IGF2BP2: variants seen among roughly 807,000 people sequenced by gnomAD.
IGF2BP2 encodes the protein insulin-like growth factor 2 mRNA-binding protein 2.
In IGF2BP2, 17 loss-of-function variants were observed where a neutral mutation model predicts 75.8. The ratio of observed to expected loss-of-function variants is 0.22; its 90% CI spans 0.15 to 0.34. IGF2BP2 has a LOEUF of 0.34. Ranked by LOEUF, IGF2BP2 falls within the 10% of genes least tolerant of loss-of-function variation. IGF2BP2 has a pLI of 1.00. For synonymous variants in IGF2BP2, 288 were observed against 295.6 expected (o/e 0.97, Z 0.26); for missense variants, 516 against 772.4 (o/e 0.67, Z 3.93).
chr3:185,791,043 T>C (rs185427687), intron 2 of IGF2BP2, among the ~76,000 whole-genome samples: 2 of 152,344 alleles, frequency 1.3e-5, no homozygotes, highest in Admixed American at 6.5e-5. Flanking sequence ...CTTATGCATT[T>C]CTAAAATAGC....
intron 12 of IGF2BP2, among the ~76,000 whole-genome samples, chr3:185,654,992 T>C (rs1298041131): frequency 6.6e-6 from 1 of 152,196 alleles, no homozygotes; most frequent in Non-Finnish European, 1.5e-5. Flanking sequence ...CCCCTCATTG[T>C]GGCCCCCAAA....
At chr3:185,741,580 G>A (rs1173461414) in intron 2 of IGF2BP2, among the ~76,000 whole-genome samples, 1 of 152,172 alleles carries the variant, frequency 6.6e-6, no homozygotes, top group Non-Finnish European at 1.5e-5. Context: ...TCTGAACAGA[G>A]AAAAATTCCA....
chr3:185,772,577 CTTTTTTTTT>C (rs368068706), intron 2 of IGF2BP2, among the ~76,000 whole-genome samples: 5 of 118,204 alleles, frequency 4.2e-5, no homozygotes, highest in Non-Finnish European at 8.6e-5. Context: ...CCTTCTCTCT[CTTTTTTTTT>C]TTTTTTTTTT....
intron 15 of IGF2BP2, among the ~76,000 whole-genome samples, chr3:185,646,686 C>A (rs944027236): frequency 6.6e-6 from 1 of 152,158 alleles, no homozygotes; most frequent in African/African-American, 2.4e-5. Context: ...AGTGGGGAGG[C>A]TGGGACTGAG....
At chr3:185,788,117 A>C (rs1008855296) in intron 2 of IGF2BP2, among the ~76,000 whole-genome samples, 3 of 152,218 alleles carry the variant, frequency 2.0e-5, no homozygotes, top group African/African-American at 7.2e-5. Flanking sequence ...GAAATGTGAA[A>C]AAAGTGTTTA....
intron 2 of IGF2BP2, among the ~76,000 whole-genome samples, chr3:185,719,345 T>A (rs1170279872): frequency 5.3e-5 from 8 of 152,190 alleles, no homozygotes; most frequent in African/African-American, 1.9e-4. Flanking sequence ...CAAAACAGAT[T>A]GGATTTGCTA....
chr3:185,756,331 C>T (rs763827171), intron 2 of IGF2BP2, among the ~76,000 whole-genome samples: 1 of 152,130 alleles, frequency 6.6e-6, no homozygotes, highest in Non-Finnish European at 1.5e-5. Context: ...CCTGCAGAAC[C>T]GTGAGCCAAT....
Position 185,643,777 on chromosome 3 carries a change from T to G in IGF2BP2, c.*1754A>C, listed in dbSNP as rs1449373034. 1 of 145,324 alleles carries G rather than the reference T, an allele frequency of 6.9e-6. No homozygotes were observed. The highest frequency in any genetic ancestry group is 1.5e-5 in the Non-Finnish European group (1 of 66,064). 9.0% of individuals were successfully genotyped at this position (145,324 alleles called of 1,614,324 possible). On this transcript the variant is annotated 3_prime_UTR_variant, in exon 16 of 16. Coordinates refer to ENST00000382199, the MANE Select transcript of IGF2BP2 (RefSeq NM_006548.6). ...ATATATTTCTGTTTTTTCTTTTTTT[T>G]TCTTTTTTTTTTTTTTTTTTTTGTC...
At chr3:185,654,646 T>C (rs1715142361) in intron 12 of IGF2BP2, among the ~76,000 whole-genome samples, 1 of 152,232 alleles carries the variant, frequency 6.6e-6, no homozygotes, top group Non-Finnish European at 1.5e-5. Context: ...AGTTTTGGAA[T>C]GTCATTCCAT....
chr3:185,785,416 T>TAA lies in IGF2BP2; in HGVS notation c.239+37735_239+37736dup, dbSNP rs775451060. 5.9e-4 allele frequency among the ~76,000 whole-genome samples: 85 copies of TAA among 143,732 alleles called. 1 individual carries two copies. The highest frequency in any genetic ancestry group is 1.6e-3 in the African/African-American group (61 of 39,170). 94.3% of individuals were successfully genotyped at this position (143,732 alleles called of 152,430 possible). A position where few individuals can be genotyped will look rare whatever the true frequency, so the allele number is the denominator to read the frequency against. The stretch of plus-strand genomic sequence containing the variant: ...ATTTTACTGTGTCAATAACGAGTGT[T>TAA]AAAAAAAAAAAAAATGGAATTCTGG... On this transcript the variant is annotated intron_variant, in intron 2 of 15. Coordinates refer to ENST00000382199, the MANE Select transcript of IGF2BP2 (RefSeq NM_006548.6).
intron 6 of IGF2BP2, 43 bp from the exon 7 acceptor site, chr3:185,687,234 G>C: frequency 6.4e-7 from 1 of 1,569,674 alleles, no homozygotes; most frequent in Admixed American, 2.0e-5. Flanking sequence ...AGGTCATCTG[G>C]ATAGGACCCT....
chr3:185,710,497 C>A (rs925131565), intron 2 of IGF2BP2, among the ~76,000 whole-genome samples: 1 of 152,130 alleles, frequency 6.6e-6, no homozygotes, highest in Non-Finnish European at 1.5e-5. Flanking sequence ...CTTTGGGAGG[C>A]CGAGGCGGGC....
chr3:185,767,344 T>C (rs1457716485), intron 2 of IGF2BP2, among the ~76,000 whole-genome samples: 1 of 152,230 alleles, frequency 6.6e-6, no homozygotes, highest in Non-Finnish European at 1.5e-5. Context: ...ATCCTTATAA[T>C]ACTACAGTGT....
chr3:185,817,016 T>A (rs1359273244), intron 2 of IGF2BP2, among the ~76,000 whole-genome samples: 1 of 152,238 alleles, frequency 6.6e-6, no homozygotes, highest in Non-Finnish European at 1.5e-5. Flanking sequence ...TTTCTGGTCA[T>A]TAGATGCAAC....
intron 2 of IGF2BP2, among the ~76,000 whole-genome samples, chr3:185,755,384 C>T (rs913122130): frequency 5.3e-5 from 8 of 152,204 alleles, no homozygotes; most frequent in African/African-American, 1.2e-4. Flanking sequence ...GCACCCCCTG[C>T]GTAGATTTCA....
intron 7 of IGF2BP2, among the ~76,000 whole-genome samples, chr3:185,677,064 TATATAGAGAGAG>T (rs1455248224): frequency 2.2e-4 from 10 of 45,766 alleles, no homozygotes; most frequent in Admixed American, 4.9e-4. Flanking sequence ...TATATATATA[TATATAGAGAGAG>T]AGAGAGAGAG....
chr3:185,671,218 T>C (rs1425312782), intron 10 of IGF2BP2, among the ~76,000 whole-genome samples: 2 of 152,008 alleles, frequency 1.3e-5, no homozygotes, highest in African/African-American at 2.4e-5. Context: ...TAAGGGGAAA[T>C]GATATAACTA....
At chr3:185,706,648 C>T (rs1724062859) in intron 2 of IGF2BP2, among the ~76,000 whole-genome samples, 2 of 152,084 alleles carry the variant, frequency 1.3e-5, no homozygotes, top group African/African-American at 4.8e-5. Context: ...AAACCATTTC[C>T]CATTAAAAAG....
chr3:185,672,748 G>C (rs1032163375), intron 9 of IGF2BP2, 79 bp from the exon 10 acceptor site: 1 of 1,516,742 alleles, frequency 6.6e-7, no homozygotes, highest in Non-Finnish European at 9.1e-7. Flanking sequence ...TCCCTCTCTT[G>C]TCTTAATGGC....
Sources: gnomAD v4.1 joint callset for allele counts (sites outside exome capture counted in the v4.1 genomes callset) on GRCh38, gnomAD v4.1.1 for gene constraint, MANE v1.5 for transcripts, NCBI Gene and HGNC (gene_info 2026-07-23, HGNC 2026-07-21) for gene names.